Variants in IGFBP7 observed in about 807,000 individuals in gnomAD.
IGFBP7 encodes insulin like growth factor binding protein 7, also known as insulin-like growth factor-binding protein 7.
IGFBP7 carries 31 observed loss-of-function variants against 29.4 expected under a neutral mutation model. The observed-to-expected ratio is 1.05, with a 90% confidence interval of 0.79 to 1.42. The LOEUF (loss-of-function observed/expected upper bound fraction) is 1.42, where lower values mean the gene tolerates loss of function less well. Ranked by LOEUF, IGFBP7 falls within the 40% of genes most tolerant of loss-of-function variation. The pLI, the probability that IGFBP7 is intolerant of heterozygous loss-of-function variation, is 0.00. For synonymous variants in IGFBP7, 172 were observed against 174.9 expected, an observed-to-expected ratio of 0.98 and a Z score of 0.13; for missense variants, 393 against 395.5, an observed-to-expected ratio of 0.99 and a Z score of 0.05.
At chr4:57,061,307 G>GT (rs532592138) in intron 1 of IGFBP7, among the ~76,000 whole-genome samples, 3 of 152,028 alleles carry the variant, frequency 2.0e-5, no homozygotes, top group African/African-American at 4.8e-5. Context: ...TTAATACTAT[G>GT]TTTTTTCCAA....
intron 1 of IGFBP7, among the ~76,000 whole-genome samples, chr4:57,066,851 C>T (rs58389605): frequency 0.13 from 20,328 of 151,870 alleles, 1,437 homozygotes; most frequent in East Asian, 0.16. Flanking sequence ...ACATGAGCCA[C>T]CATGCTTGGC....
chr4:57,110,234 A>T lies in IGFBP7; in HGVS notation c.118T>A (p.Cys40Ser). 2 of 1,384,142 alleles carry T rather than the reference A, an allele frequency of 1.4e-6. No individual in the cohort carries two copies. The highest frequency in any genetic ancestry group is 1.9e-6 in the Non-Finnish European group (2 of 1,072,140). The allele number at this position is 1,384,142 out of a possible 1,614,324, so 85.7% of individuals were successfully genotyped here. ...DTCGPCEPAS[C>S]PPLPPLGCLL... ...CAGCCCAGCGGGGGCAGGGGCGGGC[A>T]GGAGGCCGGCTCGCAGGGGCCGCAG... Residue 40 changes from cysteine (C) to serine (S), a missense_variant, in exon 1 of 5, where the codon TGC (cysteine) becomes AGC (serine). Coordinates refer to ENST00000295666, the MANE Select transcript of IGFBP7 (RefSeq NM_001553.3).
intron 1 of IGFBP7, among the ~76,000 whole-genome samples, chr4:57,054,639 C>CAAAAAAAAAAAAAAAAA (rs75161514): frequency 3.6e-5 from 1 of 27,850 alleles, no homozygotes; most frequent in Admixed American, 6.0e-4. Context: ...CTCTCTCTCA[C>CAAAAAAAAAAAAAAAAA]AAAAAAAAAA....
intron 1 of IGFBP7, among the ~76,000 whole-genome samples, chr4:57,071,188 A>G (rs1725044302): frequency 6.8e-6 from 1 of 147,998 alleles, no homozygotes; most frequent in South Asian, 2.2e-4. Flanking sequence ...TACTGAAAAC[A>G]CTGTTTTTGA....
chr4:57,039,512 T>C (rs1044948153), intron 2 of IGFBP7, among the ~76,000 whole-genome samples: 2 of 152,110 alleles, frequency 1.3e-5, no homozygotes, highest in African/African-American at 4.8e-5. Flanking sequence ...CTGGGGATAC[T>C]GCTAAACATC....
intron 1 of IGFBP7, among the ~76,000 whole-genome samples, chr4:57,063,157 G>T (rs1724838256): frequency 6.6e-6 from 1 of 150,866 alleles, no homozygotes; most frequent in African/African-American, 2.4e-5. Flanking sequence ...AGCTTTGCTT[G>T]GTTAACTCCT....
intron 2 of IGFBP7, 47 bp from the exon 3 acceptor site, chr4:57,033,358 A>G (rs765221703): frequency 9.5e-6 from 12 of 1,268,748 alleles, no homozygotes; most frequent in Non-Finnish European, 1.4e-5. Flanking sequence ...ACACCAGATC[A>G]TCTACTTGGA....
chr4:57,032,523 T>C lies in IGFBP7; in HGVS notation c.732A>G (p.Gly244=). Residue 244 remains glycine (G), a synonymous_variant, in exon 4 of 5, where the codon GGA becomes GGG. Transcript: ENST00000295666. ...AATTGGATGCATGGCACTCATATTC[T>C]CCAGCATCTTCCTTACTTAGAGGAG... is the stretch of plus-strand genomic sequence containing the variant. ...LVSPLSKEDA[G]EYECHASNSQ... 1 of 1,613,920 alleles carries C rather than the reference T, an allele frequency of 6.2e-7. No homozygotes were observed. Among genetic ancestry groups the C allele is most frequent in the Non-Finnish European group, 8.5e-7 (1 of 1,179,806 alleles).
chr4:57,110,083 C>T lies in IGFBP7; in HGVS notation c.269G>A (p.Ser90Asn). ...YCAPGMECVK[S>N]RKRRKGKAGA... ...GGCTTTACCCTTCCGCCTCTTGCGG[C>T]TCTTCACGCACTCCATGCCCGGCGC... The change falls in exon 1 of 5, where the codon AGC becomes AAC. Residue 90 changes from serine to asparagine, a missense_variant. By Grantham distance (46) the Ser-to-Asn change is conservative. Coordinates refer to ENST00000295666, the MANE Select transcript of IGFBP7 (RefSeq NM_001553.3). The T allele has an allele frequency of 6.4e-7, 1 of 1,554,168 alleles. No individual in the cohort carries two copies. The highest frequency in any genetic ancestry group is 8.7e-7 in the Non-Finnish European group (1 of 1,155,980).
chr4:57,063,233 C>A (rs1392526955), intron 1 of IGFBP7, among the ~76,000 whole-genome samples: 2 of 152,114 alleles, frequency 1.3e-5, no homozygotes, highest in Non-Finnish European at 2.9e-5. Context: ...CCTTTCCTCA[C>A]CTCTCTTCAC....
intron 1 of IGFBP7, among the ~76,000 whole-genome samples, chr4:57,083,644 G>T (rs560119251): frequency 7.8e-4 from 119 of 152,198 alleles, no homozygotes; most frequent in Non-Finnish European, 1.3e-3. Context: ...CAGTGATGCT[G>T]GCTGTTTAGT....
intron 1 of IGFBP7, among the ~76,000 whole-genome samples, chr4:57,041,624 C>G (rs1724228475): frequency 1.3e-5 from 2 of 152,224 alleles, no homozygotes; most frequent in Non-Finnish European, 2.9e-5. Context: ...CAGCCTCAAA[C>G]TCCTGGTCTC....
In IGFBP7 at chr4:57,082,586, T is replaced by C. The variant is rs551102019; in HGVS notation, c.475+27291A>G. On this transcript the variant is annotated intron_variant, in intron 1 of 4. Transcript: ENST00000295666. ...ATGAGGAATATCAATGATGTAGTGG[T>C]TCAGTATTCTTTTAAAATATTTTGT... 7.2e-5 allele frequency among the ~76,000 whole-genome samples: 11 copies of C among 152,328 alleles called. No homozygotes were observed. In the East Asian group the frequency reaches 2.1e-3, roughly 29 times the overall value.
At chr4:57,092,208 T>C (rs936988488) in intron 1 of IGFBP7, among the ~76,000 whole-genome samples, 6 of 152,254 alleles carry the variant, frequency 3.9e-5, no homozygotes, top group Admixed American at 1.3e-4. Flanking sequence ...ATGCGGATGC[T>C]TTTTATGAAC....
rs759853133 is a variant in IGFBP7, at chr4:57,030,866, T to C, written c.*451A>G. On this transcript the variant is annotated 3_prime_UTR_variant, in exon 5 of 5. Transcript: ENST00000295666. ...GAGAAGTGGGGTCACTTCAATACAATTCTGCTAATTACCATTTGTTTTTTC... is the reference window on the plus strand; with the variant it reads ...GAGAAGTGGGGTCACTTCAATACAACTCTGCTAATTACCATTTGTTTTTTC... 1 of 1,283,770 alleles carries C rather than the reference T, an allele frequency of 7.8e-7. No homozygotes were observed. Among genetic ancestry groups the C allele is most frequent in the Non-Finnish European group, 1.1e-6 (1 of 878,480 alleles). 79.5% of individuals were successfully genotyped at this position (1,283,770 alleles called of 1,614,324 possible). A position where few individuals can be genotyped will look rare whatever the true frequency, so the allele number is the denominator to read the frequency against.
intron 1 of IGFBP7, among the ~76,000 whole-genome samples, chr4:57,096,151 T>A (rs998435922): frequency 1.3e-5 from 2 of 151,420 alleles, no homozygotes; most frequent in East Asian, 3.9e-4. Flanking sequence ...AACTGACATA[T>A]TTCCGTTCTG....
chr4:57,040,746 T>G, intron 2 of IGFBP7, 78 bp downstream of exon 2: 1 of 1,048,570 alleles, frequency 9.5e-7, no homozygotes, highest in Non-Finnish European at 1.5e-6. Flanking sequence ...AGGCTGAGGA[T>G]TTAACGTTTT....
intron 1 of IGFBP7, among the ~76,000 whole-genome samples, chr4:57,046,005 T>A (rs956651125): frequency 6.6e-6 from 1 of 152,250 alleles, no homozygotes; most frequent in African/African-American, 2.4e-5. Flanking sequence ...GGATTACAGG[T>A]GTGAGCCACT....
chr4:57,035,525 G>T (rs1724061536), intron 2 of IGFBP7, among the ~76,000 whole-genome samples: 1 of 152,116 alleles, frequency 6.6e-6, no homozygotes, highest in African/African-American at 2.4e-5. Flanking sequence ...TGCGATCTCA[G>T]CTCACTGCAA....
Sources: gnomAD v4.1 joint callset for allele counts (sites outside exome capture counted in the v4.1 genomes callset) on GRCh38, gnomAD v4.1.1 for gene constraint, MANE v1.5 for transcripts, NCBI Gene and HGNC (gene_info 2026-07-23, HGNC 2026-07-21) for gene names.